SORCS2: variants seen among roughly 807,000 people sequenced by gnomAD.
The protein encoded by SORCS2 is VPS10 domain-containing receptor SorCS2.
In SORCS2, 100 loss-of-function variants were observed where a neutral mutation model predicts 141.6. The ratio of observed to expected loss-of-function variants is 0.71; its 90% CI spans 0.60 to 0.83. The LOEUF (loss-of-function observed/expected upper bound fraction) is 0.83, where lower values mean the gene tolerates loss of function less well. Ranked by LOEUF, SORCS2 falls within the 40% of genes least tolerant of loss-of-function variation. The pLI is 0.00. For synonymous variants in SORCS2, 789 were observed against 676.9 expected, an observed-to-expected ratio of 1.17 and a Z score of -2.57; for missense variants, 1,646 against 1,560.2, an observed-to-expected ratio of 1.05 and a Z score of -0.93.
intron 2 of SORCS2, among the ~76,000 whole-genome samples, chr4:7,480,756 C>T (rs1730580459): frequency 6.6e-6 from 1 of 152,244 alleles, no homozygotes; most frequent in Admixed American, 6.5e-5. Flanking sequence ...ATCCCCTCCA[C>T]CCGCCCCAGG....
intron 1 of SORCS2, among the ~76,000 whole-genome samples, chr4:7,328,698 G>A (rs775275578): frequency 1.3e-5 from 2 of 152,148 alleles, no homozygotes; most frequent in Non-Finnish European, 2.9e-5. Flanking sequence ...AGAGAAGCAA[G>A]ACAGATGCTT....
chr4:7,635,017 C>G (rs1009219612), intron 3 of SORCS2, among the ~76,000 whole-genome samples: 2 of 152,216 alleles, frequency 1.3e-5, no homozygotes, highest in African/African-American at 2.4e-5. Context: ...CTGTGGTGTC[C>G]TGGTGGGATC....
intron 2 of SORCS2, chr4:7,431,221 G>A (rs956898987): frequency 6.6e-6 from 1 of 152,324 alleles, no homozygotes; most frequent in Non-Finnish European, 1.5e-5. Flanking sequence ...CATGTGCTCA[G>A]TGGGTCTGTG....
At chr4:7,545,750 A>G (rs769259086) in intron 3 of SORCS2, among the ~76,000 whole-genome samples, 5 of 152,176 alleles carry the variant, frequency 3.3e-5, no homozygotes, top group Admixed American at 1.3e-4. Context: ...CCTTTCTGTG[A>G]TTTATAAAGT....
chr4:7,676,915 C>T (rs1234311343), intron 9 of SORCS2, among the ~76,000 whole-genome samples: 355 of 16,754 alleles, frequency 0.021, 44 homozygotes, highest in Admixed American at 0.025. Context: ...TCCCTCTCTC[C>T]CTCTCTCCCT....
chr4:7,608,677 C>G (rs1360354037), intron 3 of SORCS2, among the ~76,000 whole-genome samples: 3 of 152,192 alleles, frequency 2.0e-5, no homozygotes, highest in African/African-American at 7.2e-5. Flanking sequence ...AGCCCCAGTC[C>G]CCAGGACCTG....
intron 1 of SORCS2, among the ~76,000 whole-genome samples, chr4:7,249,242 C>T (rs1179397120): frequency 6.6e-6 from 1 of 152,120 alleles, no homozygotes; most frequent in Non-Finnish European, 1.5e-5. Flanking sequence ...ATTTTAAGTA[C>T]CTGGGCTGGA....
At chr4:7,423,829 A>G (rs2109198417) in intron 2 of SORCS2, among the ~76,000 whole-genome samples, 1 of 152,134 alleles carries the variant, frequency 6.6e-6, no homozygotes, top group South Asian at 2.1e-4. Flanking sequence ...AAACAAACAA[A>G]CCCAGCAACA....
At chr4:7,217,758 A>T (rs907151446) in intron 1 of SORCS2, among the ~76,000 whole-genome samples, 4 of 152,168 alleles carry the variant, frequency 2.6e-5, no homozygotes, top group African/African-American at 9.7e-5. Context: ...TCCAACTGTT[A>T]AATACAGCGT....
intron 2 of SORCS2, among the ~76,000 whole-genome samples, chr4:7,465,082 G>C (rs1729537627): frequency 6.6e-6 from 1 of 152,238 alleles, no homozygotes; most frequent in African/African-American, 2.4e-5. Flanking sequence ...GTGGTGAAGT[G>C]AGGACAGTAT....
At chr4:7,356,683 C>G (rs1000081722) in intron 1 of SORCS2, among the ~76,000 whole-genome samples, 1 of 152,248 alleles carries the variant, frequency 6.6e-6, no homozygotes, top group Non-Finnish European at 1.5e-5. Flanking sequence ...ATGCAGACAT[C>G]CAGTCTGCAG....
intron 2 of SORCS2, among the ~76,000 whole-genome samples, chr4:7,472,682 G>T (rs1035618268): frequency 5.9e-5 from 9 of 152,140 alleles, no homozygotes; most frequent in African/African-American, 2.2e-4. Context: ...AGTGGGAGGC[G>T]GCAAGGGGAT....
chr4:7,600,654 TATAC>T (rs768313890), intron 3 of SORCS2, among the ~76,000 whole-genome samples: 3,681 of 92,636 alleles, frequency 0.04, 62 homozygotes, highest in South Asian at 0.1. Context: ...TACATATATA[TATAC>T]ACACACACAC....
chr4:7,720,909 T>C (rs983484808), intron 18 of SORCS2, among the ~76,000 whole-genome samples: 12 of 152,172 alleles, frequency 7.9e-5, no homozygotes, highest in African/African-American at 2.7e-4. Flanking sequence ...ATGCCACAGG[T>C]GTTCTGGAAA....
intron 1 of SORCS2, among the ~76,000 whole-genome samples, chr4:7,290,455 A>AT (rs1369114135): frequency 2.0e-5 from 3 of 152,168 alleles, no homozygotes; most frequent in South Asian, 2.1e-4. Context: ...AACCTAGTTG[A>AT]TTTTTTTCCC....
intron 1 of SORCS2, among the ~76,000 whole-genome samples, chr4:7,315,941 C>A (rs1443333980): frequency 6.6e-6 from 1 of 152,188 alleles, no homozygotes; most frequent in East Asian, 1.9e-4. Flanking sequence ...ATCCACCCAT[C>A]CATCCTATCT....
At chr4:7,244,979 G>A (rs142087184) in intron 1 of SORCS2, among the ~76,000 whole-genome samples, 220 of 152,310 alleles carry the variant, frequency 1.4e-3, no homozygotes, top group African/African-American at 4.9e-3. Context: ...TGGCTGGAGG[G>A]GGGTGGAGTA....
intron 3 of SORCS2, 130 bp downstream of exon 3, chr4:7,531,759 C>G (rs1047644669): frequency 2.3e-6 from 2 of 855,232 alleles, no homozygotes; most frequent in African/African-American, 3.3e-5. Context: ...AGATGTTTCC[C>G]TCCCAGCTCT....
chr4:7,461,166 A>C (rs930685817), intron 2 of SORCS2, among the ~76,000 whole-genome samples: 1 of 114,040 alleles, frequency 8.8e-6, no homozygotes, highest in South Asian at 2.4e-4. Flanking sequence ...TCTCTCCCCA[A>C]ATTAAATTAT....
Sources: allele counts gnomAD v4.1 joint callset (sites outside exome capture counted in the v4.1 genomes callset), GRCh38; gene constraint gnomAD v4.1.1; transcripts MANE v1.5; gene names NCBI Gene and HGNC (gene_info 2026-07-23, HGNC 2026-07-21).